The following HAVCR1 variants were observed in gnomAD, a reference collection of about 807,000 sequenced individuals.
The protein encoded by HAVCR1 is hepatitis A virus cellular receptor 1.
Under a neutral mutation model 32.0 loss-of-function variants are expected in HAVCR1, and 34 were observed. The ratio of observed to expected loss-of-function variants is 1.06; its 90% confidence interval spans 0.81 to 1.42. The LOEUF (loss-of-function observed/expected upper bound fraction) is 1.42. HAVCR1 is among the 40% of genes most tolerant of loss of function. The probability of loss-of-function intolerance (pLI) is 0.00; values close to 1 mark genes in which losing one functional copy is unlikely to be tolerated. For synonymous variants in HAVCR1, 178 were observed against 170.3 expected (o/e 1.05, Z -0.35); for missense variants, 420 against 442.3 (o/e 0.95, Z 0.45).
chr5:157,042,798 C>T (rs1754989894), intron 5 of HAVCR1, 116 bp from the exon 6 acceptor site: 1 of 634,430 alleles, frequency 1.6e-6, no homozygotes, highest in Non-Finnish European at 2.8e-6. Flanking sequence ...ATAATATGAC[C>T]AAATTCTGCA....
In HAVCR1 at chr5:157,055,335, T is replaced by TCC; in HGVS notation, c.243_244dup (p.Asp82GlyfsTer10). The TCC allele has an allele frequency of 6.2e-7, 1 of 1,612,854 alleles. No individual in the cohort carries two copies. The highest frequency in any genetic ancestry group is 8.5e-7 in the Non-Finnish European group (1 of 1,178,912). On this transcript the variant is annotated frameshift_variant, in exon 3 of 9. Coordinates refer to ENST00000523175, the MANE Select transcript of HAVCR1 (RefSeq NM_001173393.3). LOFTEE classifies it high-confidence loss of function. ...CAAAGAGACATCCCTTCTTGAAAGG[T>TCC]CCCCCAATAGCTTATAGCGTGTGTC...
chr5:157,067,742 G>T, the HAVCR1 span, among the ~76,000 whole-genome samples: 1 of 152,110 alleles, frequency 6.6e-6, no homozygotes, highest in Non-Finnish European at 1.5e-5. Flanking sequence ...AGGCTGGAGT[G>T]CAATGGCTCG....
intron 5 of HAVCR1, among the ~76,000 whole-genome samples, chr5:157,048,829 C>G (rs756937694): frequency 9.9e-6 from 1 of 101,210 alleles, no homozygotes; most frequent in Non-Finnish European, 1.9e-5. Context: ...GACTCCATCT[C>G]AGAAAAAAAA....
chr5:157,044,615 G>GAAAGAAAGAAAGAAAGAAAGAAAGAAAA lies in HAVCR1; in HGVS notation c.782-1934_782-1933insTTTTCTTTCTTTCTTTCTTTCTTTCTTT, dbSNP rs760337335. Among the ~76,000 whole-genome samples the GAAAGAAAGAAAGAAAGAAAGAAAGAAAA allele has an allele frequency of 1.1e-4, 6 of 52,656 alleles. 1 individual carries two copies. The highest frequency in any genetic ancestry group is 3.9e-4 in the African/African-American group (6 of 15,424). 34.5% of individuals were successfully genotyped at this position (52,656 alleles called of 152,430 possible). A position where few individuals can be genotyped will look rare whatever the true frequency, so the allele number is the denominator to read the frequency against. On this transcript the variant is annotated intron_variant, in intron 5 of 8. Transcript: ENST00000523175. ...AGAAAGAAAGAAAGAAAGAAAGAAA[G>GAAAGAAAGAAAGAAAGAAAGAAAGAAAA]AGAAAGAAAGAAAGAAAGAAAGAAA...
intron 8 of HAVCR1, among the ~76,000 whole-genome samples, chr5:157,030,846 A>T (rs34409737): frequency 0.21 from 32,123 of 152,140 alleles, 4,099 homozygotes; most frequent in Admixed American, 0.32. Context: ...CCACACATTT[A>T]AAGAACTGTG....
upstream of HAVCR1, among the ~76,000 whole-genome samples, chr5:157,061,713 A>AAG (rs1202748879): frequency 4.6e-5 from 7 of 152,176 alleles, no homozygotes; most frequent in South Asian, 1.5e-3. Flanking sequence ...CAAAAAAAAA[A>AAG]AAGTTATTAA....
chr5:157,044,428 AAAGAAAG>A (rs1181483310), intron 5 of HAVCR1, among the ~76,000 whole-genome samples: 2 of 26,758 alleles, frequency 7.5e-5, no homozygotes, highest in Non-Finnish European at 1.4e-4. Context: ...AAGGAGAAAG[AAAGAAAG>A]AAAGAAAGAA....
chr5:157,058,025 T>A, intron 1 of HAVCR1, 70 bp from the exon 2 acceptor site: 1 of 1,073,828 alleles, frequency 9.3e-7, no homozygotes, highest in South Asian at 1.3e-5. Context: ...GTCTTAAATC[T>A]CAGATTGCAA....
At chr5:157,066,071 A>AAAAAAAAAAAAAAAAAAAAAAAAAAG in the HAVCR1 span, among the ~76,000 whole-genome samples, 1 of 150,182 alleles carries the variant, frequency 6.7e-6, no homozygotes, top group East Asian at 1.9e-4. Flanking sequence ...AAAAAAAAAA[A>AAAAAAAAAAAAAAAAAAAAAAAAAAG]AAAAATGCTG....
chr5:157,049,058 G>C lies in HAVCR1; in HGVS notation c.761C>G (p.Pro254Arg). ...GAIRREPTSS[P>R]LYSYTTDGND... ...GTTACCTGTTGTGTAAGAGTACAAT[G>C]GTGAGCTGGTGGGTTCTCTCCTTAT... The change falls in exon 5 of 9, where the codon CCA (proline) becomes CGA (arginine). Residue 254 changes from proline to arginine, a missense_variant. Transcript: ENST00000523175. The C allele has an allele frequency of 1.2e-6, 2 of 1,601,408 alleles. No individual in the cohort carries two copies. Among genetic ancestry groups the C allele is most frequent in the Non-Finnish European group, 8.6e-7 (1 of 1,168,442 alleles).
chr5:157,032,864 G>T lies in HAVCR1; in HGVS notation c.976C>A (p.Gln326Lys). The change falls in exon 8 of 9, where the codon CAA (glutamine) becomes AAA (lysine). Residue 326 changes from glutamine to lysine, a missense_variant. By Grantham distance (53) the Gln-to-Lys change is moderately conservative. Coordinates refer to ENST00000523175, the MANE Select transcript of HAVCR1 (RefSeq NM_001173393.3). ...TATTTTCGAGCTTACCTTAGTTGTT[G>T]AACCTCCTTTTTGAAGAAATACTCT... ...AKKYFFKKEV[Q>K]QLSVSFSSLQ... 1.3e-6 allele frequency: 2 copies of T among 1,575,388 alleles called. No homozygotes were observed. Among genetic ancestry groups the T allele is most frequent in the East Asian group, 2.3e-5 (1 of 44,444 alleles).
chr5:157,040,478 T>A (rs1418561621), intron 6 of HAVCR1, among the ~76,000 whole-genome samples: 1 of 152,258 alleles, frequency 6.6e-6, no homozygotes, highest in Non-Finnish European at 1.5e-5. Flanking sequence ...GTTTAAATGT[T>A]ACGCCATGTA....
chr5:157,052,425 T>C lies in HAVCR1; in HGVS notation c.609A>G (p.Pro203=). The part of the protein sequence containing the change: ...TTSIPTTTSV[P]VTTTVSTFVP... ...CAAAGGTAGAGACAGTTGTTGTCACTGGAACACTTGTTGTTGTTGGAATGC... is the reference window on the plus strand; with the variant it reads ...CAAAGGTAGAGACAGTTGTTGTCACCGGAACACTTGTTGTTGTTGGAATGC... Residue 203 remains proline (P), a synonymous_variant, in exon 4 of 9, where the codon CCA becomes CCG. Transcript: ENST00000523175. The C allele has an allele frequency of 6.2e-7, 1 of 1,604,982 alleles. No homozygotes were observed.
chr5:157,062,989 G>A (rs1374037308), upstream of HAVCR1, among the ~76,000 whole-genome samples: 20 of 151,656 alleles, frequency 1.3e-4, no homozygotes, highest in African/African-American at 3.1e-4. Flanking sequence ...GCGTGGTGGC[G>A]CGTGCCTGTA....
chr5:157,056,171 C>T (rs1366355186), intron 2 of HAVCR1, among the ~76,000 whole-genome samples: 2 of 151,256 alleles, frequency 1.3e-5, no homozygotes, highest in Admixed American at 1.3e-4. Flanking sequence ...CTCAAGTGAT[C>T]CACCCACCTG....
In HAVCR1 at chr5:157,054,705, G is replaced by A. The variant is rs138721003; in HGVS notation, c.379+496C>T. ...CCAAGACTTTGGATGGAAAATGTAT[G>A]GTGGAAAAAGAAGGATATGTTGTCT... On this transcript the variant is annotated intron_variant, in intron 3 of 8. Coordinates refer to ENST00000523175, the MANE Select transcript of HAVCR1 (RefSeq NM_001173393.3). 7.2e-3 allele frequency among the ~76,000 whole-genome samples: 1,100 copies of A among 152,202 alleles called. 8 individuals are homozygous for A. The highest frequency in any genetic ancestry group is 0.02 in the Middle Eastern group (6 of 294).
At chr5:157,057,718 T>C (rs1472474301) in intron 2 of HAVCR1, among the ~76,000 whole-genome samples, 180 bp downstream of exon 2, 1 of 152,232 alleles carries the variant, frequency 6.6e-6, no homozygotes, top group East Asian at 1.9e-4. Context: ...TTAAGCAATT[T>C]CTTTGGCCTA....
chr5:157,054,789 AAAC>A (rs2113629855), intron 3 of HAVCR1, among the ~76,000 whole-genome samples: 2 of 152,310 alleles, frequency 1.3e-5, no homozygotes, highest in Non-Finnish European at 2.9e-5. Flanking sequence ...TATTTCAGTA[AAAC>A]AACCAATTGC....
chr5:157,052,264 C>A, intron 4 of HAVCR1, 97 bp downstream of exon 4: 1 of 1,082,236 alleles, frequency 9.2e-7, no homozygotes. Flanking sequence ...GGTAAGACCC[C>A]TCACTCTAGA....
Sources: gnomAD v4.1 joint callset for allele counts (sites outside exome capture counted in the v4.1 genomes callset) on GRCh38, gnomAD v4.1.1 for gene constraint, MANE v1.5 for transcripts, NCBI Gene and HGNC (gene_info 2026-07-23, HGNC 2026-07-21) for gene names.